Variants in SLTM observed in about 807,000 individuals in gnomAD.
SLTM encodes SAFB-like transcription modulator.
A neutral mutation model predicts 134.6 loss-of-function variants in SLTM; 43 were observed. That is an observed-to-expected ratio of 0.32 (90% CI 0.25 to 0.41). The LOEUF (loss-of-function observed/expected upper bound fraction) is 0.41. SLTM is among the 10% of genes least tolerant of loss of function. SLTM has a pLI of 1.00. For synonymous variants in SLTM, 424 were observed against 432.3 expected (o/e 0.98, Z 0.24); for missense variants, 1,055 against 1,288.8 (o/e 0.82, Z 2.78).
intron 13 of SLTM, 69 bp from the exon 14 acceptor site, chr15:58,893,129 G>T: frequency 6.8e-7 from 1 of 1,472,996 alleles, no homozygotes; most frequent in Non-Finnish European, 9.1e-7. Flanking sequence ...AAGTTTAGTA[G>T]GTCATTTAAA....
At chr15:58,896,491 G>A (rs1361021371) in intron 9 of SLTM, among the ~76,000 whole-genome samples, 1 of 152,036 alleles carries the variant, frequency 6.6e-6, no homozygotes, top group East Asian at 1.9e-4. Context: ...AACTTGGGAG[G>A]CAGAGGTCGC....
In SLTM at chr15:58,887,035, C is replaced by G. The variant is rs199742743; in HGVS notation, c.2775G>C (p.Ser925=). Residue 925 remains serine, a synonymous_variant, in exon 19 of 21, where the codon TCG becomes TCC. Coordinates refer to ENST00000380516, the MANE Select transcript of SLTM (RefSeq NM_024755.4). ...GAPPGNRSSA[S]GYGSREGDRG... ...TGTCTCCCTCTCTGCTCCCGTACCC[C>G]GAAGCGCTGCTACGATTCCCAGGGG... 6.2e-7 allele frequency: 1 copy of G among 1,613,392 alleles called. No homozygotes were observed. The highest frequency in any genetic ancestry group is 8.5e-7 in the Non-Finnish European group (1 of 1,180,028).
chr15:58,932,031 T>C (rs1374704954), intron 2 of SLTM: 1 of 181,126 alleles, frequency 5.5e-6, no homozygotes, highest in Admixed American at 5.7e-5. Flanking sequence ...ACTCTGCCAA[T>C]TGTGGGGCAA....
chr15:58,889,986 G>C (rs1394989478), intron 15 of SLTM: 2 of 417,972 alleles, frequency 4.8e-6, no homozygotes, highest in Non-Finnish European at 8.5e-6. Context: ...CTAAGACTGG[G>C]ATAGTGACAG....
intron 2 of SLTM, among the ~76,000 whole-genome samples, chr15:58,931,058 T>C (rs1302454214): frequency 2.0e-5 from 3 of 152,122 alleles, no homozygotes; most frequent in African/African-American, 7.2e-5. Context: ...GCAAGACACA[T>C]GGTTAATTCC....
chr15:58,920,874 G>A (rs1469959766), intron 2 of SLTM, among the ~76,000 whole-genome samples: 1 of 152,022 alleles, frequency 6.6e-6, no homozygotes, highest in Non-Finnish European at 1.5e-5. Context: ...ATAATCCTTT[G>A]AACCCGGGAG....
intron 20 of SLTM, among the ~76,000 whole-genome samples, chr15:58,882,662 G>C (rs768110051): frequency 5.4e-4 from 82 of 152,248 alleles, no homozygotes; most frequent in Non-Finnish European, 7.8e-4. Context: ...GCTTGTGCAG[G>C]CAGAAGTAGC....
intron 2 of SLTM, among the ~76,000 whole-genome samples, chr15:58,920,117 A>G (rs2036918649): frequency 6.6e-6 from 1 of 151,964 alleles, no homozygotes; most frequent in Non-Finnish European, 1.5e-5. Flanking sequence ...GGAGTTTGAG[A>G]GCAGCCTGGC....
chr15:58,888,760 G>A, intron 16 of SLTM: 1 of 410,872 alleles, frequency 2.4e-6, no homozygotes, highest in Non-Finnish European at 4.3e-6. Context: ...AATTTAACAG[G>A]AGAGAAAATA....
At chr15:58,919,057 G>A (rs1490407141) in intron 2 of SLTM, among the ~76,000 whole-genome samples, 6 of 151,966 alleles carry the variant, frequency 3.9e-5, no homozygotes, top group Non-Finnish European at 8.8e-5. Flanking sequence ...GACTACAGGC[G>A]CGTGCTACCA....
chr15:58,913,501 G>T lies in SLTM; in HGVS notation c.511C>A (p.Gln171Lys). The T allele has an allele frequency of 6.2e-7, 1 of 1,602,892 alleles. No homozygotes were observed. The highest frequency in any genetic ancestry group is 1.1e-5 in the South Asian group (1 of 88,200). The change falls in exon 4 of 21, where the codon CAG becomes AAG. Residue 171 changes from glutamine (Q) to lysine (K), a missense_variant and splice_region_variant. Around this residue, in one of 3 missense-constraint regions of SLTM, gnomAD observed 268 missense variants for 284.3 expected, o/e 0.94. Coordinates refer to ENST00000380516, the MANE Select transcript of SLTM (RefSeq NM_024755.4). ...TTTAAAAAAAACTGGCTAAAGACCT[G>T]ACTTTCGATGTCCTCTTTTTCTATA... ...EDIEKEDIES[Q>K]EIEAQEGEDD...
chr15:58,888,158 A>C (rs779941354), intron 17 of SLTM, among the ~76,000 whole-genome samples: 2 of 152,208 alleles, frequency 1.3e-5, no homozygotes, highest in Non-Finnish European at 2.9e-5. Context: ...GTCTCAAAAA[A>C]AATTAAAATA....
intron 9 of SLTM, among the ~76,000 whole-genome samples, chr15:58,894,893 T>C (rs2141001334): frequency 6.6e-6 from 1 of 152,134 alleles, no homozygotes; most frequent in Non-Finnish European, 1.5e-5. Context: ...TTAGTACAGA[T>C]AGGGTTTTGC....
At chr15:58,911,484 A>G (rs1056348538) in intron 5 of SLTM, among the ~76,000 whole-genome samples, 6 of 152,248 alleles carry the variant, frequency 3.9e-5, no homozygotes, top group Non-Finnish European at 8.8e-5. Flanking sequence ...TTCTAGAGCT[A>G]ACACATACCA....
At position 58,933,428 on chromosome 15, in the gene SLTM, G is replaced by C; in HGVS notation, c.138C>G (p.Thr46=). The C allele has an allele frequency of 1.3e-6, 2 of 1,585,686 alleles. No individual in the cohort carries two copies. Among genetic ancestry groups the C allele is most frequent in the Non-Finnish European group, 8.6e-7 (1 of 1,166,524 alleles). ...RRNLDITGVK[T]VLISRLKQAI... Reference sequence around the variant, plus strand: ...CCTGCTTGAGTCGGGAGATGAGCACGGTCTTGACTCCGGTGATGTCTAAGT... The same window carrying C: ...CCTGCTTGAGTCGGGAGATGAGCACCGTCTTGACTCCGGTGATGTCTAAGT... The change falls in exon 1 of 21, where the codon ACC becomes ACG. Residue 46 remains threonine, a synonymous_variant. Transcript: ENST00000380516.
At chr15:58,925,599 A>T (rs1482416770) in intron 2 of SLTM, among the ~76,000 whole-genome samples, 1 of 152,152 alleles carries the variant, frequency 6.6e-6, no homozygotes, top group Admixed American at 6.6e-5. Flanking sequence ...CCACCTCCCA[A>T]AGTGCTGGGT....
chr15:58,893,400 AT>A, intron 12 of SLTM, 36 bp from the exon 13 acceptor site: 2 of 1,449,454 alleles, frequency 1.4e-6, no homozygotes, highest in East Asian at 4.6e-5. Flanking sequence ...AATGTCTAAA[AT>A]TTTTCATTGA....
chr15:58,901,514 A>G (rs1403693327), intron 5 of SLTM, among the ~76,000 whole-genome samples: 1 of 152,234 alleles, frequency 6.6e-6, no homozygotes, highest in East Asian at 1.9e-4. Context: ...TCTATCAATG[A>G]GTACATAAAT....
intron 5 of SLTM, among the ~76,000 whole-genome samples, chr15:58,903,300 G>A (rs1463536930): frequency 6.6e-6 from 1 of 152,184 alleles, no homozygotes; most frequent in African/African-American, 2.4e-5. Flanking sequence ...CTCCCAAAGT[G>A]CTGGGATTAC....
Sources: allele counts gnomAD v4.1 joint callset (sites outside exome capture counted in the v4.1 genomes callset), GRCh38; gene constraint gnomAD v4.1.1; regional missense constraint gnomAD v4.1.1; transcripts MANE v1.5; gene names NCBI Gene and HGNC (gene_info 2026-07-23, HGNC 2026-07-21).